The following PCDH15 variants were observed in gnomAD, a reference collection of about 807,000 sequenced individuals.
PCDH15 encodes the protein protocadherin-15.
A neutral mutation model predicts 178.5 loss-of-function variants in PCDH15; 129 were observed. The observed-to-expected ratio is 0.72, with a 90% CI of 0.63 to 0.84. PCDH15 has a LOEUF of 0.84. Ranked by LOEUF, PCDH15 falls within the 40% of genes least tolerant of loss-of-function variation. The pLI is 0.00. For synonymous variants in PCDH15, 800 were observed against 732.0 expected (o/e 1.09, Z -1.50); for missense variants, 2,230 against 2,099.9 (o/e 1.06, Z -1.21).
intron 3 of PCDH15, among the ~76,000 whole-genome samples, chr10:54,435,999 AAGAAG>A (rs2075360806): frequency 1.1e-5 from 1 of 87,604 alleles, no homozygotes; most frequent in African/African-American, 5.9e-5. Flanking sequence ...AAGAAAAGAA[AAGAAG>A]AGGAGAGGAG....
intron 8 of PCDH15, among the ~76,000 whole-genome samples, chr10:54,251,396 T>C (rs1204743921): frequency 6.6e-6 from 1 of 152,214 alleles, no homozygotes; most frequent in East Asian, 1.9e-4. Context: ...TTTGTTATTG[T>C]ACTTGCTTAC....
chr10:53,941,009 T>G, intron 23 of PCDH15, 34 bp from the exon 24 acceptor site: 1 of 1,416,324 alleles, frequency 7.1e-7, no homozygotes, highest in South Asian at 1.2e-5. Context: ...TATTTATTTT[T>G]AAATATAATT....
chr10:55,194,227 C>T (rs1591980318), intron 1 of PCDH15, among the ~76,000 whole-genome samples: 1 of 152,016 alleles, frequency 6.6e-6, no homozygotes, highest in East Asian at 1.9e-4. Flanking sequence ...CTTTCTTAAA[C>T]CATTACATTA....
intron 3 of PCDH15, among the ~76,000 whole-genome samples, chr10:54,518,767 A>G (rs1162042041): frequency 7.2e-5 from 11 of 152,172 alleles, no homozygotes; most frequent in Non-Finnish European, 1.3e-4. Flanking sequence ...AAAAAAGAGA[A>G]TTTTAGACCA....
intron 15 of PCDH15, among the ~76,000 whole-genome samples, chr10:54,115,905 T>C (rs1258953575): frequency 2.0e-5 from 3 of 152,198 alleles, no homozygotes; most frequent in African/African-American, 7.2e-5. Flanking sequence ...AACTAGACAT[T>C]TGAATTAGAA....
At chr10:54,854,634 C>T (rs901824713) in intron 3 of PCDH15, among the ~76,000 whole-genome samples, 12 of 152,172 alleles carry the variant, frequency 7.9e-5, no homozygotes, top group Admixed American at 7.9e-4. Context: ...ATCTGCTGCT[C>T]TCTGCAGAGA....
At chr10:54,432,649 G>A (rs1957100112) in intron 3 of PCDH15, among the ~76,000 whole-genome samples, 1 of 151,950 alleles carries the variant, frequency 6.6e-6, no homozygotes, top group South Asian at 2.1e-4. Context: ...AAGAAACTCT[G>A]CAGGACATTG....
At chr10:54,875,813 A>G (rs1015889748) in intron 3 of PCDH15, among the ~76,000 whole-genome samples, 3 of 152,220 alleles carry the variant, frequency 2.0e-5, no homozygotes, top group South Asian at 2.1e-4. Flanking sequence ...GAAAGAAACC[A>G]TGTTCATAAC....
At chr10:54,243,125 TTG>T (rs1266892251) in intron 8 of PCDH15, among the ~76,000 whole-genome samples, 1 of 152,186 alleles carries the variant, frequency 6.6e-6, no homozygotes, top group Non-Finnish European at 1.5e-5. Context: ...TTCACTAATT[TTG>T]TGTGTTCTTT....
At chr10:55,619,354 C>T (rs1275422108) in intron 2 of PCDH15, among the ~76,000 whole-genome samples, 1 of 151,936 alleles carries the variant, frequency 6.6e-6, no homozygotes, top group Non-Finnish European at 1.5e-5. Flanking sequence ...AGCAACCACA[C>T]TCTGCTGGAG....
chr10:54,540,093 T>C (rs888748973), intron 2 of PCDH15, among the ~76,000 whole-genome samples: 2 of 151,962 alleles, frequency 1.3e-5, no homozygotes, highest in African/African-American at 4.8e-5. Context: ...CTAGAGTAAC[T>C]AGAAAAACAA....
At chr10:54,435,839 G>A (rs1179931742) in intron 3 of PCDH15, among the ~76,000 whole-genome samples, 5 of 151,822 alleles carry the variant, frequency 3.3e-5, no homozygotes, top group Non-Finnish European at 4.4e-5. Context: ...TCGTGGTGGC[G>A]GGCGCCTGTA....
At chr10:54,026,589 T>C (rs1292540349) in intron 18 of PCDH15, among the ~76,000 whole-genome samples, 1 of 152,208 alleles carries the variant, frequency 6.6e-6, no homozygotes, top group Admixed American at 6.5e-5. Context: ...GTATATTTGA[T>C]GCTTATGGAA....
intron 2 of PCDH15, among the ~76,000 whole-genome samples, chr10:54,651,601 G>A (rs1228126236): frequency 6.6e-6 from 1 of 152,126 alleles, no homozygotes; most frequent in Non-Finnish European, 1.5e-5. Flanking sequence ...TGAAAGCAAG[G>A]GAAGGAGAGA....
At chr10:54,073,537 G>T (rs965229203) in intron 17 of PCDH15, among the ~76,000 whole-genome samples, 2 of 151,972 alleles carry the variant, frequency 1.3e-5, no homozygotes, top group Non-Finnish European at 2.9e-5. Context: ...ATGTTTCAAA[G>T]AAATTTAGGA....
chr10:55,483,196 A>T (rs1840220244), intron 2 of PCDH15, among the ~76,000 whole-genome samples: 2 of 151,824 alleles, frequency 1.3e-5, no homozygotes, highest in South Asian at 4.1e-4. Flanking sequence ...TAAACAGACA[A>T]CCTGAAGAAC....
chr10:54,977,674 A>AT (rs552209294), intron 2 of PCDH15, among the ~76,000 whole-genome samples: 66 of 151,988 alleles, frequency 4.3e-4, no homozygotes, highest in South Asian at 1.2e-3. Flanking sequence ...GTCATCCTTC[A>AT]TTTTTTTTAT....
intron 2 of PCDH15, among the ~76,000 whole-genome samples, chr10:55,069,927 T>C (rs541295284): frequency 6.6e-6 from 1 of 152,318 alleles, no homozygotes; most frequent in South Asian, 2.1e-4. Context: ...CTCCACATTC[T>C]GTCCAGCACC....
chr10:55,209,073 G>T lies in PCDH15; in HGVS notation c.-155-42422C>A, dbSNP rs144152786. ...AGGAAGTGACATTTGAACTGAGATAGAAACAAATCATATAAACAGGATAAA... is the reference window on the plus strand; with the variant it reads ...AGGAAGTGACATTTGAACTGAGATATAAACAAATCATATAAACAGGATAAA... On this transcript the variant is annotated intron_variant, in intron 1 of 5. Coordinates refer to the PCDH15 transcript ENST00000458638. Among the ~76,000 whole-genome samples, 550 of 152,146 alleles carry T rather than the reference G, an allele frequency of 3.6e-3. 8 individuals carry two copies. The highest frequency in any genetic ancestry group is 0.019 in the South Asian group (94 of 4,822).
Sources: allele counts gnomAD v4.1 joint callset (sites outside exome capture counted in the v4.1 genomes callset), GRCh38; gene constraint gnomAD v4.1.1; transcripts MANE v1.5; gene names NCBI Gene and HGNC (gene_info 2026-07-23, HGNC 2026-07-21).